The following CACNA1H variants were observed in gnomAD, a reference collection of about 807,000 sequenced individuals.
CACNA1H encodes calcium voltage-gated channel subunit alpha1 H.
In CACNA1H, 149 loss-of-function variants were observed where a neutral mutation model predicts 192.5. That is an observed-to-expected ratio of 0.77 (90% CI 0.68 to 0.89). The LOEUF (loss-of-function observed/expected upper bound fraction) is 0.89. Ranked by LOEUF, CACNA1H falls within the 40% of genes least tolerant of loss-of-function variation. The probability of loss-of-function intolerance (pLI) is 0.00; values close to 1 mark genes in which losing one functional copy is unlikely to be tolerated. For missense variants in CACNA1H, 4,257 were observed against 3,423.5 expected (o/e 1.24, Z -6.08); for synonymous variants, 2,202 against 1,475.2 (o/e 1.49, Z -11.29).
At chr16:1,194,488 C>CG (rs1966843188) in intron 2 of CACNA1H, among the ~76,000 whole-genome samples, 1 of 152,150 alleles carries the variant, frequency 6.6e-6, no homozygotes, top group Non-Finnish European at 1.5e-5. Flanking sequence ...GAGGGTGGGA[C>CG]GGGGAGTCCT....
rs948381677 is a variant in CACNA1H, at chr16:1,215,440, G to A, written c.5173+65G>A. Reference sequence around the variant, plus strand: ...GAGGGTGGGGGCTCAGCCATGGGTGGGAGTGAGGGGCGGGGCGGCCAGGGT... The same window carrying A: ...GAGGGTGGGGGCTCAGCCATGGGTGAGAGTGAGGGGCGGGGCGGCCAGGGT... On this transcript the variant is annotated intron_variant, in intron 29 of 34. Transcript: ENST00000348261. 59 of 1,560,112 alleles carry A rather than the reference G, an allele frequency of 3.8e-5. No individual in the cohort carries two copies. In the African/African-American group the frequency reaches 7.6e-4, roughly 20 times the overall value.
At chr16:1,198,273 G>A (rs540055397) in intron 5 of CACNA1H, among the ~76,000 whole-genome samples, 7 of 151,982 alleles carry the variant, frequency 4.6e-5, no homozygotes, top group South Asian at 2.1e-4. Flanking sequence ...TCCCTGCCTC[G>A]GCCAGTCCCC....
rs758878862 is a variant in CACNA1H, at chr16:1,198,611, A to G, written c.644-4A>G. 6.2e-7 allele frequency: 1 copy of G among 1,612,336 alleles called. No homozygotes were observed. The highest frequency in any genetic ancestry group is 1.3e-5 in the African/African-American group (1 of 74,864). The stretch of plus-strand genomic sequence containing the variant: ...AGTGCCAATCCTGGCCCTGCTGCCC[A>G]CAGGCATGCGGATCCTGGTCACTCT... On this transcript the variant is annotated splice_region_variant and splice_polypyrimidine_tract_variant and intron_variant, in intron 5 of 34. Coordinates refer to ENST00000348261, the MANE Select transcript of CACNA1H (RefSeq NM_021098.3).
At chr16:1,181,401 C>T (rs959212574) in intron 2 of CACNA1H, among the ~76,000 whole-genome samples, 26 of 152,240 alleles carry the variant, frequency 1.7e-4, no homozygotes, top group South Asian at 6.2e-4. Context: ...AGCGCTTTGA[C>T]GCCCGCGTCG....
At chr16:1,208,671 G>A (rs1969052138) in intron 16 of CACNA1H, among the ~76,000 whole-genome samples, 1 of 152,180 alleles carries the variant, frequency 6.6e-6, no homozygotes, top group Non-Finnish European at 1.5e-5. Flanking sequence ...ACGGAGGATG[G>A]GAGTGAGCCA....
intron 2 of CACNA1H, among the ~76,000 whole-genome samples, chr16:1,161,818 G>A (rs574002089): frequency 4.6e-5 from 7 of 152,216 alleles, no homozygotes; most frequent in Non-Finnish European, 8.8e-5. Context: ...CCATCTGTGA[G>A]CAGCACCCGG....
intron 3 of CACNA1H, 100 bp from the exon 4 acceptor site, chr16:1,195,332 G>A (rs1489081785): frequency 2.0e-6 from 3 of 1,464,524 alleles, no homozygotes; most frequent in African/African-American, 1.5e-5. Context: ...GGGGCGAGGG[G>A]TGTGGCAAGA....
At chr16:1,173,668 C>G (rs1216395618) in intron 2 of CACNA1H, among the ~76,000 whole-genome samples, 2 of 152,218 alleles carry the variant, frequency 1.3e-5, no homozygotes, top group Non-Finnish European at 2.9e-5. Flanking sequence ...GTGGAAGCAT[C>G]CGGGAACGCC....
intron 6 of CACNA1H, among the ~76,000 whole-genome samples, chr16:1,199,958 C>T (rs1380159969): frequency 2.7e-5 from 4 of 149,872 alleles, no homozygotes; most frequent in South Asian, 2.2e-4. Context: ...ATTTCTCTGT[C>T]CATCCCTGTT....
Position 1,154,021 on chromosome 16 carries a change from G to A in CACNA1H, c.284G>A (p.Arg95Gln). 2 of 1,393,982 alleles carry A rather than the reference G, an allele frequency of 1.4e-6. No homozygotes were observed. Among genetic ancestry groups the A allele is most frequent in the Non-Finnish European group, 1.9e-6 (2 of 1,069,040 alleles). 86.4% of individuals were successfully genotyped at this position (1,393,982 alleles called of 1,614,324 possible). Residue 95 changes from arginine to glutamine, a missense_variant, in exon 2 of 35, where the codon CGG (arginine) becomes CAG (glutamine). Transcript: ENST00000348261. ...QTTRPRSWCL[R>Q]LVCNPWFEHV... ...ACGCGGCCGCGCAGCTGGTGCCTCC[G>A]GCTGGTCTGCAACCCATATCCTTCC...
At chr16:1,159,155 G>A (rs1228900891) in intron 2 of CACNA1H, among the ~76,000 whole-genome samples, 1 of 152,204 alleles carries the variant, frequency 6.6e-6, no homozygotes, top group African/African-American at 2.4e-5. Context: ...CTTGGCAGAC[G>A]TCTTCATGGC....
At chr16:1,186,246 C>T (rs1465261307) in intron 2 of CACNA1H, among the ~76,000 whole-genome samples, 1 of 151,890 alleles carries the variant, frequency 6.6e-6, no homozygotes, top group Non-Finnish European at 1.5e-5. Context: ...AGCCTGTTTC[C>T]TTAGTGGTGT....
At chr16:1,217,410 A>AGGCCCCCACCCAGGCCTCAGCCTC (rs1305088499) in intron 31 of CACNA1H, among the ~76,000 whole-genome samples, 1 of 152,124 alleles carries the variant, frequency 6.6e-6, no homozygotes, top group Non-Finnish European at 1.5e-5. Flanking sequence ...TAGCCTCCTG[A>AGGCCCCCACCCAGGCCTCAGCCTC]GGCCCCCACC....
chr16:1,157,930 C>A (rs1461249846), intron 2 of CACNA1H: 1 of 152,240 alleles, frequency 6.6e-6, no homozygotes, highest in African/African-American at 2.4e-5. Flanking sequence ...CTCGGCCGTG[C>A]TAGGGCGCGT....
rs1480307780 is a variant in CACNA1H at position 1,221,023 on chromosome 16, G to A, written c.*29G>A. 6.6e-7 allele frequency: 1 copy of A among 1,516,516 alleles called. No homozygotes were observed. The highest frequency in any genetic ancestry group is 2.0e-4 in the Middle Eastern group (1 of 4,944). The allele number at this position is 1,516,516 out of a possible 1,614,324, so 93.9% of individuals were successfully genotyped here. A position where few individuals can be genotyped will look rare whatever the true frequency, so the allele number is the denominator to read the frequency against. ...GGGGCTTGGTGCCGCCCACGGCTTT[G>A]GCCCTGGGGTCTGGGGGCCCCGCTG... is the stretch of plus-strand genomic sequence containing the variant. On this transcript the variant is annotated 3_prime_UTR_variant, in exon 35 of 35. Transcript: ENST00000348261.
chr16:1,168,535 T>A (rs977072248), intron 2 of CACNA1H, among the ~76,000 whole-genome samples: 2 of 151,754 alleles, frequency 1.3e-5, no homozygotes, highest in South Asian at 2.1e-4. Context: ...AGATGCACCC[T>A]GGAGGCAGGG....
intron 30 of CACNA1H, among the ~76,000 whole-genome samples, chr16:1,216,083 A>T (rs1362331583): frequency 6.6e-6 from 1 of 151,672 alleles, no homozygotes; most frequent in Admixed American, 6.6e-5. Context: ...CCTCTAGTCC[A>T]CCTATCCAAC....
At chr16:1,170,566 G>C (rs562812657) in intron 2 of CACNA1H, among the ~76,000 whole-genome samples, 1 of 152,308 alleles carries the variant, frequency 6.6e-6, no homozygotes, top group East Asian at 1.9e-4. Flanking sequence ...TGGGATTTTG[G>C]GGTTTTCCAA....
At chr16:1,190,649 G>C (rs992096335) in intron 2 of CACNA1H, among the ~76,000 whole-genome samples, 2 of 152,258 alleles carry the variant, frequency 1.3e-5, no homozygotes, top group African/African-American at 4.8e-5. Flanking sequence ...GCCTCCTTGG[G>C]GCCCCCCAGA....
Sources: gnomAD v4.1 joint callset for allele counts (sites outside exome capture counted in the v4.1 genomes callset) on GRCh38, gnomAD v4.1.1 for gene constraint, MANE v1.5 for transcripts, NCBI Gene and HGNC (gene_info 2026-07-23, HGNC 2026-07-21) for gene names.